Variants in SSC4D observed in about 807,000 individuals in gnomAD.
SSC4D encodes scavenger receptor cysteine rich family member with 4 domains.
Under a neutral mutation model 63.4 loss-of-function variants are expected in SSC4D, and 57 were observed. The observed-to-expected ratio is 0.90, with a 90% confidence interval of 0.73 to 1.12. The LOEUF (loss-of-function observed/expected upper bound fraction) is 1.12. Among genes scored for constraint, SSC4D ranks in the 50% most tolerant of loss-of-function variants. The probability of loss-of-function intolerance (pLI) is 0.00; values close to 1 mark genes in which losing one functional copy is unlikely to be tolerated. For synonymous variants in SSC4D, 352 were observed against 345.4 expected (o/e 1.02, Z -0.21); for missense variants, 791 against 806.4 (o/e 0.98, Z 0.23).
In SSC4D at chr7:76,397,513, C is replaced by G. The variant is rs1288615525; in HGVS notation, c.868+5G>C. 5.3e-6 allele frequency: 8 copies of G among 1,523,422 alleles called. No homozygotes were observed. The East Asian group carries it at 1.2e-4, about 23-fold the overall frequency. 94.4% of individuals were successfully genotyped at this position (1,523,422 alleles called of 1,614,324 possible). The stretch of plus-strand genomic sequence containing the variant: ...GGCCCCGCCCATCGCCCCTAGAGCC[C>G]GCACCTGCGCAGAGCGCGCCCGCGT... On this transcript the variant is annotated splice_donor_5th_base_variant and intron_variant, in intron 6 of 10. Transcript: ENST00000275560.
At chr7:76,402,037 T>A (rs1804846953) in intron 2 of SSC4D, among the ~76,000 whole-genome samples, 1 of 151,912 alleles carries the variant, frequency 6.6e-6, no homozygotes, top group African/African-American at 2.4e-5. Flanking sequence ...TTCTTCTTTT[T>A]AAGACAGTGT....
In SSC4D at chr7:76,397,846, CG is replaced by C. The variant is rs1563682804; in HGVS notation, c.554-15del. Reference sequence around the variant, plus strand: ...CGCTGCCCTCACCTGGGGATGGGGGCGGGGGTCAGGGCGCATCTCCCACTGG... The same window carrying C: ...CGCTGCCCTCACCTGGGGATGGGGGCGGGGTCAGGGCGCATCTCCCACTGG... On this transcript the variant is annotated splice_polypyrimidine_tract_variant and intron_variant, in intron 5 of 10. Transcript: ENST00000275560. The C allele has an allele frequency of 3.3e-6, 5 of 1,532,296 alleles. No homozygotes were observed. Among genetic ancestry groups the C allele is most frequent in the Non-Finnish European group, 4.4e-6 (5 of 1,135,448 alleles). The allele number at this position is 1,532,296 out of a possible 1,614,324, so 94.9% of individuals were successfully genotyped here. A position where few individuals can be genotyped will look rare whatever the true frequency, so the allele number is the denominator to read the frequency against.
At chr7:76,406,391 C>A (rs1197249193) in intron 1 of SSC4D, among the ~76,000 whole-genome samples, 2 of 152,134 alleles carry the variant, frequency 1.3e-5, no homozygotes, top group East Asian at 1.9e-4. Context: ...TTGTACAATG[C>A]CTTCTAAAAA....
chr7:76,397,776 T>C lies in SSC4D; in HGVS notation c.610A>G (p.Ile204Val). The change falls in exon 6 of 11, where the codon ATC becomes GTC. Residue 204 changes from isoleucine (I) to valine (V), a missense_variant. By Grantham distance (29) the Ile-to-Val change is conservative. Coordinates refer to ENST00000275560, the MANE Select transcript of SSC4D (RefSeq NM_080744.2). ...GTGCCCCACAGGCCACTGTGCAGGA[T>C]CTCCACTCGGCCCTGACACAGGTTC... ...GANLCQGRVE[I>V]LHSGLWGTVC... 6.2e-7 allele frequency: 1 copy of C among 1,611,230 alleles called. No homozygotes were observed. The highest frequency in any genetic ancestry group is 1.1e-5 in the South Asian group (1 of 90,934).
Position 76,400,554 on chromosome 7 carries a change from G to T in SSC4D, c.207C>A (p.Gly69=). Residue 69 remains glycine, a synonymous_variant, in exon 4 of 11, where the codon GGC becomes GGA. Transcript: ENST00000275560. The part of the protein sequence containing the change: ...RLVGGPSRCR[G]RLEVMHGGSW... ...AGCCACCGTGCATGACTTCCAGGCG[G>T]CCCCGGCAGCGGCTGGGGCCCCCCA... 1 of 1,510,072 alleles carries T rather than the reference G, an allele frequency of 6.6e-7. No individual in the cohort carries two copies. The highest frequency in any genetic ancestry group is 8.9e-7 in the Non-Finnish European group (1 of 1,126,030). 93.5% of individuals were successfully genotyped at this position (1,510,072 alleles called of 1,614,324 possible). A position where few individuals can be genotyped will look rare whatever the true frequency, so the allele number is the denominator to read the frequency against.
intron 2 of SSC4D, among the ~76,000 whole-genome samples, chr7:76,402,374 G>T (rs534033146): frequency 3.9e-4 from 60 of 152,072 alleles, no homozygotes; most frequent in African/African-American, 1.4e-3. Context: ...TAGAAATGGG[G>T]TCTCACCATG....
At chr7:76,404,564 G>A in intron 1 of SSC4D, 59 bp from the exon 2 acceptor site, 4 of 1,438,024 alleles carry the variant, frequency 2.8e-6, no homozygotes, top group Non-Finnish European at 3.8e-6. Context: ...GGCCGAGGTG[G>A]GAGGATTGCT....
chr7:76,405,965 CTTCCT>C (rs1554622787), intron 1 of SSC4D, among the ~76,000 whole-genome samples: 2 of 128,904 alleles, frequency 1.6e-5, no homozygotes, highest in Admixed American at 7.4e-5. Context: ...TTCCTTCCTT[CTTCCT>C]TTCCTTTCCT....
At chr7:76,401,180 A>C in intron 2 of SSC4D, 137 bp from the exon 3 acceptor site, 1 of 1,246,286 alleles carries the variant, frequency 8.0e-7, no homozygotes, top group Admixed American at 3.1e-5. Context: ...GCTTTGCCAA[A>C]GCCCCATTGT....
intron 7 of SSC4D, 113 bp downstream of exon 7, chr7:76,395,140 A>T: frequency 2.5e-6 from 3 of 1,212,202 alleles, no homozygotes; most frequent in Non-Finnish European, 3.6e-6. Flanking sequence ...ATCTGGCCAA[A>T]GCCCTGGCCT....
chr7:76,406,330 G>A (rs1256968845), intron 1 of SSC4D, among the ~76,000 whole-genome samples: 1 of 152,000 alleles, frequency 6.6e-6, no homozygotes, highest in East Asian at 1.9e-4. Context: ...ACTTAATTTG[G>A]GAGGATATAG....
intron 4 of SSC4D, among the ~76,000 whole-genome samples, chr7:76,399,569 C>G (rs767919174): frequency 9.9e-5 from 15 of 152,036 alleles, no homozygotes; most frequent in Admixed American, 3.9e-4. Context: ...GGATCTTGCT[C>G]TGTCACCCAG....
chr7:76,401,645 G>A (rs1279558281), intron 2 of SSC4D, among the ~76,000 whole-genome samples: 1 of 152,150 alleles, frequency 6.6e-6, no homozygotes, highest in Non-Finnish European at 1.5e-5. Flanking sequence ...TTGAACTCCT[G>A]ACCTCAGGTA....
chr7:76,408,334 T>C (rs1395801012), intron 1 of SSC4D, among the ~76,000 whole-genome samples: 1 of 152,072 alleles, frequency 6.6e-6, no homozygotes, highest in South Asian at 2.1e-4. Flanking sequence ...TCACCTTTTG[T>C]CCTCCTTCTG....
At chr7:76,400,708 A>C in intron 3 of SSC4D, 117 bp from the exon 4 acceptor site, 1 of 1,205,570 alleles carries the variant, frequency 8.3e-7, no homozygotes, top group Non-Finnish European at 1.1e-6. Flanking sequence ...GGGTCTCACT[A>C]TGTTGCCAAG....
intron 7 of SSC4D, 138 bp from the exon 8 acceptor site, chr7:76,394,042 A>G: frequency 1.2e-6 from 1 of 806,462 alleles, no homozygotes; most frequent in Non-Finnish European, 1.9e-6. Context: ...CAGAGTCACC[A>G]CGTTGTCTGG....
At chr7:76,398,910 G>T in intron 4 of SSC4D, 113 bp from the exon 5 acceptor site, 2 of 1,069,216 alleles carry the variant, frequency 1.9e-6, no homozygotes, top group Admixed American at 4.4e-5. Flanking sequence ...CAGAGCCTCT[G>T]GCCACACAAA....
intron 1 of SSC4D, among the ~76,000 whole-genome samples, chr7:76,406,287 G>A (rs1223410878): frequency 2.6e-5 from 4 of 152,210 alleles, no homozygotes; most frequent in East Asian, 1.9e-4. Flanking sequence ...CTGTGCATTC[G>A]AAATATAGTA....
chr7:76,403,065 G>A (rs1437610918), intron 2 of SSC4D, among the ~76,000 whole-genome samples: 1 of 152,184 alleles, frequency 6.6e-6, no homozygotes, highest in African/African-American at 2.4e-5. Context: ...AGTGAGATTA[G>A]ACAACTTACT....
Sources: allele counts gnomAD v4.1 joint callset (sites outside exome capture counted in the v4.1 genomes callset), GRCh38; gene constraint gnomAD v4.1.1; transcripts MANE v1.5; gene names NCBI Gene and HGNC (gene_info 2026-07-23, HGNC 2026-07-21).